Variants in LRP1B observed in about 807,000 individuals in gnomAD.
The protein encoded by LRP1B is LDL receptor related protein 1B, also known as low-density lipoprotein receptor-related protein 1B.
A neutral mutation model predicts 556.6 loss-of-function variants in LRP1B; 217 were observed. The ratio of observed to expected loss-of-function variants is 0.39; its 90% CI spans 0.35 to 0.44. The LOEUF is 0.44. LRP1B is among the 20% of genes least tolerant of loss of function. The pLI, the probability that LRP1B is intolerant of heterozygous loss-of-function variation, is 1.00. For synonymous variants in LRP1B, 2,047 were observed against 1,865.8 expected, an observed-to-expected ratio of 1.10 and a Z score of -2.50; for missense variants, 5,053 against 5,620.8, an observed-to-expected ratio of 0.90 and a Z score of 3.23.
At chr2:140,649,754 C>G (rs1421104497) in intron 41 of LRP1B, among the ~76,000 whole-genome samples, 1 of 152,194 alleles carries the variant, frequency 6.6e-6, no homozygotes, top group Non-Finnish European at 1.5e-5. Flanking sequence ...AGAATTAGGA[C>G]TCACCAATAA....
intron 2 of LRP1B, among the ~76,000 whole-genome samples, chr2:141,577,697 C>T (rs1008730038): frequency 4.6e-5 from 7 of 152,146 alleles, no homozygotes; most frequent in Admixed American, 1.3e-4. Flanking sequence ...TTACCTCTCG[C>T]AGATCATAGG....
At chr2:141,080,103 T>A (rs1014495805) in intron 7 of LRP1B, among the ~76,000 whole-genome samples, 3 of 152,212 alleles carry the variant, frequency 2.0e-5, no homozygotes, top group African/African-American at 7.2e-5. Flanking sequence ...TCAGCTCACA[T>A]TCAGGATATA....
chr2:140,782,213 CA>C (rs1196743995), intron 32 of LRP1B, among the ~76,000 whole-genome samples: 4 of 152,174 alleles, frequency 2.6e-5, no homozygotes, highest in African/African-American at 4.8e-5. Flanking sequence ...AAATCTACTT[CA>C]TGGTTAGGGG....
At chr2:141,791,128 A>C (rs2105661922) in intron 2 of LRP1B, among the ~76,000 whole-genome samples, 1 of 152,138 alleles carries the variant, frequency 6.6e-6, no homozygotes, top group Non-Finnish European at 1.5e-5. Context: ...GCAATTCTGA[A>C]GCATTTTGGC....
chr2:140,988,359 A>C (rs1696989028), intron 17 of LRP1B, among the ~76,000 whole-genome samples: 1 of 152,102 alleles, frequency 6.6e-6, no homozygotes, highest in African/African-American at 2.4e-5. Flanking sequence ...TTACTTTAAA[A>C]TGTCAGATCA....
At chr2:141,960,313 C>A (rs1157651945) in intron 1 of LRP1B, among the ~76,000 whole-genome samples, 1 of 151,782 alleles carries the variant, frequency 6.6e-6, no homozygotes, top group Non-Finnish European at 1.5e-5. Flanking sequence ...ATGCCCCCAG[C>A]CACCACACCA....
intron 2 of LRP1B, among the ~76,000 whole-genome samples, chr2:141,676,128 AT>A (rs1690866157): frequency 6.6e-6 from 1 of 151,930 alleles, no homozygotes; most frequent in African/African-American, 2.4e-5. Context: ...TAGTTGTTAT[AT>A]CTTTTCTTCT....
At chr2:140,731,854 A>G (rs1687792207) in intron 35 of LRP1B, among the ~76,000 whole-genome samples, 1 of 151,864 alleles carries the variant, frequency 6.6e-6, no homozygotes, top group African/African-American at 2.4e-5. Context: ...TATTAAAATC[A>G]TGTGGCAGGC....
intron 32 of LRP1B, among the ~76,000 whole-genome samples, chr2:140,790,633 C>CTGGAAGG (rs1482311373): frequency 6.6e-6 from 1 of 152,154 alleles, no homozygotes; most frequent in Admixed American, 6.5e-5. Flanking sequence ...TGCAAGCCTT[C>CTGGAAGG]TACTAGGTAG....
intron 2 of LRP1B, among the ~76,000 whole-genome samples, chr2:141,750,334 G>T (rs759467685): frequency 2.6e-5 from 4 of 152,104 alleles, no homozygotes; most frequent in Non-Finnish European, 5.9e-5. Context: ...TTGATTAAAA[G>T]TAAGTTTCAG....
chr2:141,800,974 T>C (rs1695987283), intron 2 of LRP1B, among the ~76,000 whole-genome samples: 1 of 152,214 alleles, frequency 6.6e-6, no homozygotes, highest in Admixed American at 6.5e-5. Flanking sequence ...AAATGAATAA[T>C]GTATCATTTA....
At chr2:141,674,080 A>C (rs1690781934) in intron 2 of LRP1B, among the ~76,000 whole-genome samples, 1 of 152,046 alleles carries the variant, frequency 6.6e-6, no homozygotes, top group African/African-American at 2.4e-5. Context: ...CTCCATTGTT[A>C]ATAGCACATC....
intron 20 of LRP1B, among the ~76,000 whole-genome samples, chr2:140,932,495 C>T (rs540065396): frequency 2.3e-4 from 35 of 152,270 alleles, no homozygotes; most frequent in African/African-American, 8.2e-4. Context: ...TAATCCTTTA[C>T]AGAATAGGTT....
intron 18 of LRP1B, among the ~76,000 whole-genome samples, chr2:140,959,145 T>C (rs1486023581): frequency 1.3e-5 from 2 of 151,294 alleles, no homozygotes. Context: ...CCAGTATTAG[T>C]AGACTGAGTG....
At chr2:140,983,010 G>C (rs1696817222) in intron 17 of LRP1B, among the ~76,000 whole-genome samples, 1 of 151,884 alleles carries the variant, frequency 6.6e-6, no homozygotes, top group Admixed American at 6.6e-5. Flanking sequence ...CGGAGGCAGT[G>C]GTTTATTCAG....
intron 11 of LRP1B, among the ~76,000 whole-genome samples, chr2:141,041,535 C>A (rs1385958482): frequency 6.6e-6 from 1 of 151,984 alleles, no homozygotes; most frequent in Admixed American, 6.6e-5. Context: ...GTCCTGGCCT[C>A]CCCCTTATAA....
intron 1 of LRP1B, among the ~76,000 whole-genome samples, chr2:142,036,969 C>G (rs1703902699): frequency 6.6e-6 from 1 of 151,558 alleles, no homozygotes; most frequent in African/African-American, 2.4e-5. Context: ...GCATTGATAC[C>G]CAGGAACTGG....
chr2:140,575,613 T>C (rs1160572078), intron 43 of LRP1B, among the ~76,000 whole-genome samples: 1 of 152,120 alleles, frequency 6.6e-6, no homozygotes, highest in Non-Finnish European at 1.5e-5. Context: ...AATAGGGTTT[T>C]AGCTCAGGAA....
At chr2:140,908,333 C>A (rs13021687) in intron 21 of LRP1B, among the ~76,000 whole-genome samples, 32,328 of 140,094 alleles carry the variant, frequency 0.23, 3,675 homozygotes, top group Admixed American at 0.26. Flanking sequence ...CTCTCTCTCT[C>A]TATATATATA....
Sources: allele counts gnomAD v4.1 joint callset (sites outside exome capture counted in the v4.1 genomes callset), GRCh38; gene constraint gnomAD v4.1.1; transcripts MANE v1.5; gene names NCBI Gene and HGNC (gene_info 2026-07-23, HGNC 2026-07-21).